The following SEMA3A variants were observed in gnomAD, a reference collection of about 807,000 sequenced individuals.
The protein encoded by SEMA3A is semaphorin-3A.
Under a neutral mutation model 97.9 loss-of-function variants are expected in SEMA3A, and 29 were observed. The observed-to-expected ratio is 0.30, with a 90% CI of 0.22 to 0.40. The LOEUF (loss-of-function observed/expected upper bound fraction) is 0.40. Among genes scored for constraint, SEMA3A ranks in the 10% least tolerant of loss-of-function variants. SEMA3A has a pLI of 1.00. For synonymous variants in SEMA3A, 321 were observed against 323.7 expected, an observed-to-expected ratio of 0.99 and a Z score of 0.09; for missense variants, 763 against 951.3, an observed-to-expected ratio of 0.80 and a Z score of 2.60.
At chr7:84,311,604 T>C (rs1225543946) in intron 2 of SEMA3A, among the ~76,000 whole-genome samples, 4 of 151,942 alleles carry the variant, frequency 2.6e-5, no homozygotes, top group Non-Finnish European at 4.4e-5. Context: ...GATATATACA[T>C]TAGGCACCAT....
At chr7:84,449,879 C>T (rs1390736139) in intron 1 of SEMA3A, among the ~76,000 whole-genome samples, 1 of 152,162 alleles carries the variant, frequency 6.6e-6, no homozygotes, top group Admixed American at 6.5e-5. Flanking sequence ...ATAATATCCT[C>T]AAAGTCCATC....
chr7:84,162,943 C>G (rs1358348765), intron 1 of SEMA3A, among the ~76,000 whole-genome samples: 2 of 152,162 alleles, frequency 1.3e-5, no homozygotes, highest in Non-Finnish European at 2.9e-5. Context: ...AGGGAGAGAG[C>G]TACTACATGG....
At chr7:84,319,902 A>G (rs192140530) in intron 2 of SEMA3A, among the ~76,000 whole-genome samples, 1 of 152,250 alleles carries the variant, frequency 6.6e-6, no homozygotes. Context: ...TGTTAACACT[A>G]TATATTTTAT....
At chr7:84,157,382 C>T (rs974742638) in intron 1 of SEMA3A, among the ~76,000 whole-genome samples, 1 of 152,146 alleles carries the variant, frequency 6.6e-6, no homozygotes, top group Admixed American at 6.5e-5. Context: ...TCTCAAAAGC[C>T]TTGAGTTCAC....
rs185036544 is a variant in SEMA3A, at chr7:84,325,192, A to G, written c.-168-17900T>C. Among the ~76,000 whole-genome samples the G allele has an allele frequency of 5.3e-5, 8 of 152,094 alleles. No individual in the cohort carries two copies. The South Asian group carries it at 8.3e-4, about 16-fold the overall frequency. ...TTAAAACAATTATTTAGTTGGGTCAAGTATGGAGCAGAGTTCTGAACTCTG... is the reference window on the plus strand; with the variant it reads ...TTAAAACAATTATTTAGTTGGGTCAGGTATGGAGCAGAGTTCTGAACTCTG... On this transcript the variant is annotated intron_variant, in intron 2 of 3. Transcript: ENST00000424555.
At chr7:83,966,059 A>C (rs2116267901) in intron 15 of SEMA3A, among the ~76,000 whole-genome samples, 1 of 152,026 alleles carries the variant, frequency 6.6e-6, no homozygotes, top group South Asian at 2.1e-4. Flanking sequence ...CCACAGAGAT[A>C]ATTTTCTGGT....
chr7:84,185,452 A>T (rs1797847980), intron 1 of SEMA3A, among the ~76,000 whole-genome samples: 1 of 152,008 alleles, frequency 6.6e-6, no homozygotes, highest in Non-Finnish European at 1.5e-5. Flanking sequence ...TGGGCAGATC[A>T]TCTGAGGTCA....
chr7:84,443,216 T>C (rs1473474187), intron 1 of SEMA3A, among the ~76,000 whole-genome samples: 1 of 152,142 alleles, frequency 6.6e-6, no homozygotes. Context: ...GGATATATCA[T>C]ACATTAGGCA....
At chr7:83,988,591 ATCTG>A (rs1315244065) in intron 12 of SEMA3A, among the ~76,000 whole-genome samples, 5 of 152,156 alleles carry the variant, frequency 3.3e-5, no homozygotes, top group East Asian at 1.9e-4. Flanking sequence ...ATTTAAGACA[ATCTG>A]TCTGAGACAA....
chr7:84,193,254 A>T (rs1474197349), intron 1 of SEMA3A, among the ~76,000 whole-genome samples: 1 of 152,032 alleles, frequency 6.6e-6, no homozygotes, highest in South Asian at 2.1e-4. Context: ...TGAAAATTAC[A>T]TCTCTCTTCT....
At chr7:84,394,177 T>C (rs908645562) in intron 1 of SEMA3A, among the ~76,000 whole-genome samples, 1 of 36,464 alleles carries the variant, frequency 2.7e-5, no homozygotes, top group Admixed American at 4.5e-4. Context: ...AATAGGTATG[T>C]TGTAGTTTTA....
chr7:84,006,123 G>GTGT (rs1335954536), intron 10 of SEMA3A, among the ~76,000 whole-genome samples: 1 of 152,006 alleles, frequency 6.6e-6, no homozygotes, highest in African/African-American at 2.4e-5. Context: ...ACAAGCATGA[G>GTGT]TGTTATTAGT....
intron 3 of SEMA3A, among the ~76,000 whole-genome samples, chr7:84,242,107 A>G (rs1351355362): frequency 1.3e-5 from 2 of 152,114 alleles, no homozygotes; most frequent in Non-Finnish European, 2.9e-5. Context: ...TCTTGGCTAT[A>G]CAGGCTCTTT....
chr7:84,134,928 T>A lies in SEMA3A; in HGVS notation c.136A>T (p.Ile46Phe). 1 of 1,613,266 alleles carries A rather than the reference T, an allele frequency of 6.2e-7. No homozygotes were observed. The highest frequency in any genetic ancestry group is 8.5e-7 in the Non-Finnish European group (1 of 1,179,756). ...CTGTTGGCCAAGCCATTGAAAGTGA[T>A]CACATTGTTGGATTCCAACATTTCT... ...YKEMLESNNV[I>F]TFNGLANSSS... The change falls in exon 2 of 17, where the codon ATC becomes TTC. Residue 46 changes from isoleucine (I) to phenylalanine (F), a missense_variant. By Grantham distance (21) the Ile-to-Phe change is conservative. Around this residue, in one of 2 missense-constraint regions of SEMA3A, gnomAD observed 85 missense variants for 70.0 expected, o/e 1.21. Transcript: ENST00000265362.
upstream of SEMA3A, among the ~76,000 whole-genome samples, chr7:84,196,578 AG>A (rs1390466986): frequency 1.3e-5 from 2 of 152,242 alleles, no homozygotes; most frequent in Non-Finnish European, 2.9e-5. Flanking sequence ...AGTATTGTTA[AG>A]AAAATAAAAT....
intron 1 of SEMA3A, among the ~76,000 whole-genome samples, chr7:84,453,785 A>T (rs1462591023): frequency 2.0e-5 from 3 of 152,168 alleles, no homozygotes; most frequent in Non-Finnish European, 4.4e-5. Flanking sequence ...CTTGTGTAAA[A>T]TTGTTTGCTA....
chr7:84,001,069 G>GTT lies in SEMA3A; in HGVS notation c.1452+884_1452+885dup, dbSNP rs34816248. ...TGTCTACCAACTTCTTCTAATACGTGTTTTTTTTTTTTGCAGTTATAAATA... is the reference window on the plus strand; with the variant it reads ...TGTCTACCAACTTCTTCTAATACGTGTTTTTTTTTTTTTTGCAGTTATAAATA... On this transcript the variant is annotated intron_variant, in intron 12 of 16. Coordinates refer to ENST00000265362, the MANE Select transcript of SEMA3A (RefSeq NM_006080.3). Among the ~76,000 whole-genome samples, 693 of 147,920 alleles carry GTT rather than the reference G, an allele frequency of 4.7e-3. 11 individuals carry two copies. The East Asian group carries it at 0.066, about 14-fold the overall frequency.
At chr7:84,018,828 G>A (rs755233998) in intron 6 of SEMA3A, among the ~76,000 whole-genome samples, 10 of 152,172 alleles carry the variant, frequency 6.6e-5, no homozygotes, top group Non-Finnish European at 1.5e-4. Flanking sequence ...TCTGGACAAA[G>A]CCACTGAAGT....
At chr7:84,053,088 T>A (rs1283596525) in intron 5 of SEMA3A, among the ~76,000 whole-genome samples, 2 of 145,536 alleles carry the variant, frequency 1.4e-5, no homozygotes, top group African/African-American at 4.9e-5. Context: ...TAGTTTGTTA[T>A]AATTTCTGTT....
Sources: gnomAD v4.1 joint callset for allele counts (sites outside exome capture counted in the v4.1 genomes callset) on GRCh38, gnomAD v4.1.1 for gene constraint, gnomAD v4.1.1 regional missense constraint, MANE v1.5 for transcripts, NCBI Gene and HGNC (gene_info 2026-07-23, HGNC 2026-07-21) for gene names.